CXXC5: variants seen among roughly 807,000 people sequenced by gnomAD.
CXXC5 encodes CXXC-type zinc finger protein 5.
In CXXC5, 2 loss-of-function variants were observed where a neutral mutation model predicts 17.6. The ratio of observed to expected loss-of-function variants is 0.11; its 90% CI spans 0.05 to 0.36. The LOEUF is 0.36. CXXC5 is among the 10% of genes least tolerant of loss of function. The pLI is 1.00. For synonymous variants in CXXC5, 171 were observed against 193.0 expected (o/e 0.89, Z 0.94); for missense variants, 343 against 458.3 (o/e 0.75, Z 2.30).
intron 1 of CXXC5, among the ~76,000 whole-genome samples, chr5:139,672,993 G>C (rs1444205584): frequency 6.6e-6 from 1 of 152,166 alleles, no homozygotes; most frequent in African/African-American, 2.4e-5. Context: ...TCCCTGGCTT[G>C]TCCCATGGTG....
At chr5:139,666,898 T>C (rs1048469589) in intron 1 of CXXC5, among the ~76,000 whole-genome samples, 1 of 152,188 alleles carries the variant, frequency 6.6e-6, no homozygotes, top group Admixed American at 6.5e-5. Flanking sequence ...TCAGAGGAAC[T>C]GAAGAATACA....
upstream of CXXC5, chr5:139,648,000 C>G (rs1754955575): frequency 6.6e-6 from 1 of 151,516 alleles, no homozygotes; most frequent in Non-Finnish European, 1.5e-5. Flanking sequence ...CAGATTTCCC[C>G]GGAGGTGCGT....
chr5:139,665,248 C>G (rs1756040418), intron 1 of CXXC5, among the ~76,000 whole-genome samples: 1 of 152,390 alleles, frequency 6.6e-6, no homozygotes, highest in South Asian at 2.1e-4. Context: ...AATCTCAGCC[C>G]CTTTGGGAAA....
intron 1 of CXXC5, among the ~76,000 whole-genome samples, chr5:139,671,633 G>A (rs938279288): frequency 1.3e-5 from 2 of 152,240 alleles, no homozygotes; most frequent in African/African-American, 4.8e-5. Context: ...GCTGCGGAAT[G>A]CCCGGAGCTC....
chr5:139,673,078 C>T (rs1048552633), intron 1 of CXXC5, among the ~76,000 whole-genome samples: 1 of 152,180 alleles, frequency 6.6e-6, no homozygotes, highest in Non-Finnish European at 1.5e-5. Context: ...GAGATCACCA[C>T]ATTGGGAAAT....
intron 1 of CXXC5, among the ~76,000 whole-genome samples, chr5:139,672,987 TGGCTTGTCCCATGGTGAG>T (rs1304946117): frequency 6.6e-6 from 1 of 152,130 alleles, no homozygotes; most frequent in Non-Finnish European, 1.5e-5. Flanking sequence ...TAGCCTTCCC[TGGCTTGTCCCATGGTGAG>T]GCCCATCAGT....
intron 1 of CXXC5, among the ~76,000 whole-genome samples, chr5:139,676,639 G>A (rs1339335759): frequency 2.3e-5 from 3 of 129,376 alleles, no homozygotes; most frequent in East Asian, 2.3e-4. Flanking sequence ...TGGTCTCCTC[G>A]CCACTTCTCC....
rs1757197938 is a variant in CXXC5 at position 139,681,105 on chromosome 5, G to A, written c.582G>A (p.Glu194=). The A allele has an allele frequency of 1.2e-6, 2 of 1,612,620 alleles. No homozygotes were observed. Among genetic ancestry groups the A allele is most frequent in the African/African-American group, 2.7e-5 (2 of 74,950 alleles). Residue 194 remains glutamate, a synonymous_variant, in exon 2 of 3, where the codon GAG becomes GAA. Transcript: ENST00000302517. ...CGGGTGCTGGCCTGCCTGACATGGA[G>A]GCTGTGGCAGGTGCCGAAGCCCTCA... is the stretch of plus-strand genomic sequence containing the variant. ...SEAGAGLPDM[E]AVAGAEALNG... is the part of the protein sequence containing the mutation.
chr5:139,677,870 G>A (rs1428700916), intron 1 of CXXC5, among the ~76,000 whole-genome samples: 2 of 152,278 alleles, frequency 1.3e-5, no homozygotes, highest in Non-Finnish European at 2.9e-5. Flanking sequence ...GGCCGGCTGT[G>A]TTGGAAGGAG....
At chr5:139,662,609 G>A (rs1158394499) in intron 1 of CXXC5, among the ~76,000 whole-genome samples, 2 of 152,148 alleles carry the variant, frequency 1.3e-5, no homozygotes, top group Non-Finnish European at 2.9e-5. Flanking sequence ...AAGGACTCAG[G>A]CCCAGTTGGG....
intron 1 of CXXC5, among the ~76,000 whole-genome samples, chr5:139,650,656 T>C (rs1172219193): frequency 3.9e-5 from 6 of 151,906 alleles, no homozygotes; most frequent in Admixed American, 3.9e-4. Flanking sequence ...CAGTTGGGAG[T>C]ATTTAAATTA....
intron 1 of CXXC5, among the ~76,000 whole-genome samples, chr5:139,669,929 G>C (rs1006376382): frequency 3.3e-5 from 5 of 152,210 alleles, no homozygotes; most frequent in Non-Finnish European, 7.3e-5. Flanking sequence ...GGTGCTCCGA[G>C]GTCTTCTGGC....
intron 2 of CXXC5, 78 bp from the exon 3 acceptor site, chr5:139,682,785 T>C (rs2126835401): frequency 2.8e-6 from 4 of 1,410,392 alleles, no homozygotes; most frequent in Non-Finnish European, 2.9e-6. Flanking sequence ...AGGCCATCCA[T>C]GGGGGAACGT....
chr5:139,660,720 G>C (rs1169100278), intron 1 of CXXC5, among the ~76,000 whole-genome samples: 1 of 151,200 alleles, frequency 6.6e-6, no homozygotes, highest in East Asian at 2.0e-4. Context: ...TGGTGAACAT[G>C]GGGGGGTTTG....
Position 139,663,798 on chromosome 5 carries a change from C to T in CXXC5, c.-161+14953C>T, listed in dbSNP as rs768913327. ...TAGTTGAGCACCTACTGCATGTGGA[C>T]GCTACACTGACCCCTTCACATAGGT... is the stretch of plus-strand genomic sequence containing the variant. On this transcript the variant is annotated intron_variant, in intron 1 of 2. Transcript: ENST00000302517. The surrounding 1 kb of genome is among the most constrained non-coding windows in gnomAD (Gnocchi z 4.2). 3.3e-5 allele frequency among the ~76,000 whole-genome samples: 5 copies of T among 152,194 alleles called. No individual in the cohort carries two copies. The highest frequency in any genetic ancestry group is 7.2e-5 in the African/African-American group (3 of 41,432).
chr5:139,657,959 T>C (rs1755579624), intron 1 of CXXC5, among the ~76,000 whole-genome samples: 2 of 148,372 alleles, frequency 1.3e-5, no homozygotes, highest in South Asian at 4.5e-4. Context: ...TGGTGCGGGC[T>C]GACTTCCTGA....
intron 1 of CXXC5, among the ~76,000 whole-genome samples, chr5:139,662,992 C>T (rs1755908625): frequency 6.6e-6 from 1 of 152,170 alleles, no homozygotes; most frequent in Non-Finnish European, 1.5e-5. Context: ...CTAGACCTGG[C>T]ATTTTTCTGG....
chr5:139,655,669 T>A (rs967223314), intron 1 of CXXC5, among the ~76,000 whole-genome samples: 1 of 151,872 alleles, frequency 6.6e-6, no homozygotes, highest in Non-Finnish European at 1.5e-5. Context: ...TTTGTTGGCC[T>A]CCTCCTTCCC....
chr5:139,659,479 C>G (rs1755662554), intron 1 of CXXC5: 1 of 152,276 alleles, frequency 6.6e-6, no homozygotes, highest in Non-Finnish European at 1.5e-5. Context: ...CTGGAATGCA[C>G]CCCCCATGCT....
Sources: allele counts gnomAD v4.1 joint callset (sites outside exome capture counted in the v4.1 genomes callset), GRCh38; gene constraint gnomAD v4.1.1; non-coding constraint Gnocchi (gnomAD v3.1); transcripts MANE v1.5; gene names NCBI Gene and HGNC (gene_info 2026-07-23, HGNC 2026-07-21).